Variants in ARHGAP6 observed in about 807,000 individuals in gnomAD.
ARHGAP6 encodes rho GTPase-activating protein 6.
ARHGAP6 carries 16 observed loss-of-function variants against 55.7 expected under a neutral mutation model. That is an observed-to-expected ratio of 0.29 (90% CI 0.19 to 0.44). The LOEUF is 0.44. Among genes scored for constraint, ARHGAP6 ranks in the 20% least tolerant of loss-of-function variants. ARHGAP6 has a pLI of 1.00. For synonymous variants in ARHGAP6, 382 were observed against 360.9 expected, an observed-to-expected ratio of 1.06 and a Z score of -0.66; for missense variants, 698 against 808.9, an observed-to-expected ratio of 0.86 and a Z score of 1.66.
chrX:11,239,563 A>G (rs895795625), intron 2 of ARHGAP6, among the ~76,000 whole-genome samples: 1 of 111,802 alleles, frequency 8.9e-6, no homozygotes, highest in Non-Finnish European at 1.9e-5. Context: ...AGCTAACAAG[A>G]TGGACCAGAT....
intron 2 of ARHGAP6, among the ~76,000 whole-genome samples, chrX:11,230,754 GCA>G (rs746618429): frequency 3.7e-5 from 4 of 108,607 alleles, no homozygotes; most frequent in South Asian, 3.9e-4. Flanking sequence ...GTGAATATAT[GCA>G]CACACACACA....
intron 2 of ARHGAP6, among the ~76,000 whole-genome samples, chrX:11,216,318 G>A (rs1234635975): frequency 2.7e-5 from 3 of 111,800 alleles, no homozygotes; most frequent in African/African-American, 9.8e-5. Context: ...GGGGTAAAGT[G>A]TTTAAGTCAG....
chrX:11,152,119 C>G (rs1472917284), intron 10 of ARHGAP6, among the ~76,000 whole-genome samples: 1 of 111,999 alleles, frequency 8.9e-6, no homozygotes, highest in Non-Finnish European at 1.9e-5. Context: ...TACTTTTTAT[C>G]TCTAGTTTAC....
intron 1 of ARHGAP6, among the ~76,000 whole-genome samples, chrX:11,659,328 C>T (rs1202231353): frequency 9.0e-6 from 1 of 110,900 alleles, no homozygotes; most frequent in East Asian, 2.8e-4. Flanking sequence ...CATGTTACAC[C>T]TCATGCTTAA....
intron 1 of ARHGAP6, among the ~76,000 whole-genome samples, chrX:11,467,764 G>A (rs2050307816): frequency 9.0e-6 from 1 of 110,905 alleles, no homozygotes; most frequent in African/African-American, 3.3e-5. Context: ...TGAATCGCTT[G>A]AGCCCAGGAA....
chrX:11,234,377 CT>C (rs1464058447), intron 2 of ARHGAP6, among the ~76,000 whole-genome samples: 1 of 112,332 alleles, frequency 8.9e-6, no homozygotes, highest in Non-Finnish European at 1.9e-5. Flanking sequence ...TATTTGGAGC[CT>C]TTCCTACTGC....
At chrX:11,482,818 TC>T (rs1484501816) in intron 1 of ARHGAP6, among the ~76,000 whole-genome samples, 2 of 111,242 alleles carry the variant, frequency 1.8e-5, no homozygotes, top group Non-Finnish European at 3.8e-5. Flanking sequence ...GAAATTTATA[TC>T]CCCTCCCCAC....
At chrX:11,555,915 G>T (rs775252307) in intron 1 of ARHGAP6, among the ~76,000 whole-genome samples, 1 of 111,195 alleles carries the variant, frequency 9.0e-6, no homozygotes, top group East Asian at 2.8e-4. Context: ...AGTAACATCA[G>T]AGGAGAGCCA....
intron 1 of ARHGAP6, among the ~76,000 whole-genome samples, chrX:11,439,082 G>C: frequency 8.9e-6 from 1 of 112,333 alleles, no homozygotes; most frequent in South Asian, 3.7e-4. Flanking sequence ...AGAGCACAGA[G>C]CATTCTAGAA....
At chrX:11,216,928 G>A (rs191931655) in intron 2 of ARHGAP6, among the ~76,000 whole-genome samples, 3 of 109,701 alleles carry the variant, frequency 2.7e-5, no homozygotes, top group East Asian at 5.8e-4. Flanking sequence ...ATGTGCTCTC[G>A]TTGTTCAACT....
chrX:11,607,848 G>A (rs2052053713), intron 1 of ARHGAP6, among the ~76,000 whole-genome samples: 1 of 112,027 alleles, frequency 8.9e-6, no homozygotes, highest in Non-Finnish European at 1.9e-5. Context: ...AGCTTTGAGC[G>A]AACCAGTGCA....
intron 1 of ARHGAP6, among the ~76,000 whole-genome samples, chrX:11,436,128 C>T (rs113161010): frequency 1.0e-3 from 116 of 112,386 alleles, no homozygotes; most frequent in African/African-American, 3.6e-3. Context: ...CAGAGTCTAT[C>T]GAAAAGCCTT....
intron 1 of ARHGAP6, among the ~76,000 whole-genome samples, chrX:11,552,930 A>T (rs1462619701): frequency 9.1e-6 from 1 of 109,712 alleles, no homozygotes; most frequent in Non-Finnish European, 1.9e-5. Flanking sequence ...AGTTAATAAC[A>T]GTGTATTGTA....
chrX:11,472,410 G>A (rs1332191848), intron 1 of ARHGAP6, among the ~76,000 whole-genome samples: 2 of 112,097 alleles, frequency 1.8e-5, no homozygotes, highest in Non-Finnish European at 1.9e-5. Flanking sequence ...ACTTTAGACT[G>A]GAGGGTCACA....
intron 1 of ARHGAP6, among the ~76,000 whole-genome samples, chrX:11,577,841 A>C (rs1365631364): frequency 9.0e-6 from 1 of 110,851 alleles, no homozygotes; most frequent in Non-Finnish European, 1.9e-5. Context: ...CCAGTTCTTA[A>C]AACTCAACAC....
At position 11,137,817 on chromosome X, in the gene ARHGAP6, G is replaced by C. The variant is rs921019410; in HGVS notation, c.*1046C>G. 1.8e-5 allele frequency: 2 copies of C among 111,914 alleles called. No homozygotes were observed. Among genetic ancestry groups the C allele is most frequent in the Non-Finnish European group, 1.9e-5 (1 of 53,148 alleles). The allele number at this position is 111,914 out of a possible 1,213,427, so 9.2% of individuals were successfully genotyped here. Reference sequence around the variant, plus strand: ...TTACAATACACATAAAATTACGAAAGAAAACATTTCCTCAGCCTTTGGCAC... The same window carrying C: ...TTACAATACACATAAAATTACGAAACAAAACATTTCCTCAGCCTTTGGCAC... On this transcript the variant is annotated 3_prime_UTR_variant, in exon 13 of 13. Coordinates refer to ENST00000337414, the MANE Select transcript of ARHGAP6 (RefSeq NM_013427.3).
At chrX:11,401,052 A>G (rs188711081) in intron 1 of ARHGAP6, among the ~76,000 whole-genome samples, 29 of 112,058 alleles carry the variant, frequency 2.6e-4, no homozygotes, top group Non-Finnish European at 3.9e-4. Flanking sequence ...TTCCAAAAAT[A>G]CTCTGCTTGG....
At chrX:11,168,150 A>G (rs767770642) in intron 9 of ARHGAP6, among the ~76,000 whole-genome samples, 1 of 112,241 alleles carries the variant, frequency 8.9e-6, no homozygotes, top group Admixed American at 9.4e-5. Flanking sequence ...AAAAAATGTC[A>G]GAGCCTCAAA....
intron 2 of ARHGAP6, among the ~76,000 whole-genome samples, chrX:11,251,198 A>C (rs2047419066): frequency 4.5e-5 from 5 of 111,073 alleles, no homozygotes; most frequent in Non-Finnish European, 9.4e-5. Context: ...CGCCATCCTC[A>C]CGCCTAGTGG....
Sources: allele counts gnomAD v4.1 joint callset (sites outside exome capture counted in the v4.1 genomes callset), GRCh38; gene constraint gnomAD v4.1.1; transcripts MANE v1.5; gene names NCBI Gene and HGNC (gene_info 2026-07-23, HGNC 2026-07-21).